Variants in C8orf34 observed in about 807,000 individuals in gnomAD.
C8orf34 encodes chromosome 8 open reading frame 34.
In C8orf34, 65 loss-of-function variants were observed where a neutral mutation model predicts 68.3. The observed-to-expected ratio is 0.95, with a 90% confidence interval of 0.78 to 1.17. The LOEUF (loss-of-function observed/expected upper bound fraction) is 1.17. Ranked by LOEUF, C8orf34 falls within the 50% of genes most tolerant of loss-of-function variation. The pLI is 0.00. For synonymous variants in C8orf34, 244 were observed against 241.2 expected (o/e 1.01, Z -0.11); for missense variants, 664 against 655.4 (o/e 1.01, Z -0.14).
chr8:68,728,501 G>C (rs1563633771), intron 10 of C8orf34, among the ~76,000 whole-genome samples: 2 of 152,132 alleles, frequency 1.3e-5, no homozygotes. Flanking sequence ...CCAATTTACT[G>C]TATTAGTCTG....
At chr8:68,567,174 G>C (rs1349134832) in intron 7 of C8orf34, among the ~76,000 whole-genome samples, 2 of 152,024 alleles carry the variant, frequency 1.3e-5, no homozygotes, top group Admixed American at 6.6e-5. Flanking sequence ...CTCTTTCTCT[G>C]TCTTGTGGAA....
intron 1 of C8orf34, among the ~76,000 whole-genome samples, chr8:68,342,336 T>C (rs950748127): frequency 2.6e-5 from 4 of 152,128 alleles, no homozygotes; most frequent in African/African-American, 9.7e-5. Flanking sequence ...TATTGATAAA[T>C]TGGACCTCAG....
chr8:68,385,315 T>C (rs1344723108), intron 1 of C8orf34, among the ~76,000 whole-genome samples: 1 of 152,168 alleles, frequency 6.6e-6, no homozygotes, highest in East Asian at 1.9e-4. Flanking sequence ...CAAACCCACA[T>C]ACTTTGATAC....
At chr8:68,487,407 T>C (rs1220659841) in intron 4 of C8orf34, among the ~76,000 whole-genome samples, 1 of 152,176 alleles carries the variant, frequency 6.6e-6, no homozygotes, top group Non-Finnish European at 1.5e-5. Flanking sequence ...CTTAGAATAA[T>C]TTTGGAGAAA....
intron 1 of C8orf34, among the ~76,000 whole-genome samples, chr8:68,351,056 C>T (rs1278415792): frequency 6.6e-6 from 1 of 151,786 alleles, no homozygotes; most frequent in African/African-American, 2.4e-5. Context: ...TACAGTGACA[C>T]TGGTCTGCGT....
At chr8:68,435,557 G>A (rs1277851655) in intron 1 of C8orf34, among the ~76,000 whole-genome samples, 2 of 152,142 alleles carry the variant, frequency 1.3e-5, no homozygotes, top group African/African-American at 4.8e-5. Flanking sequence ...CAGCAGTGGA[G>A]GTTTCCACAA....
chr8:68,691,010 G>A (rs1307447948), intron 8 of C8orf34, among the ~76,000 whole-genome samples: 1 of 152,080 alleles, frequency 6.6e-6, no homozygotes, highest in Non-Finnish European at 1.5e-5. Flanking sequence ...CTTTCAGGAA[G>A]AAAGGGGGCC....
chr8:68,570,245 G>A (rs183667571), intron 7 of C8orf34, among the ~76,000 whole-genome samples: 9 of 152,214 alleles, frequency 5.9e-5, no homozygotes, highest in Admixed American at 2.0e-4. Flanking sequence ...GATAATCTTC[G>A]TTGTTTATCT....
At chr8:68,373,797 T>C (rs1479692568) in intron 1 of C8orf34, among the ~76,000 whole-genome samples, 1 of 152,214 alleles carries the variant, frequency 6.6e-6, no homozygotes, top group Non-Finnish European at 1.5e-5. Flanking sequence ...ACTTGATATA[T>C]CATATACCAA....
chr8:68,376,361 G>A (rs1807799742), intron 1 of C8orf34, among the ~76,000 whole-genome samples: 1 of 152,134 alleles, frequency 6.6e-6, no homozygotes, highest in Non-Finnish European at 1.5e-5. Flanking sequence ...TAGAATGATG[G>A]AAGCTGAGCA....
intron 7 of C8orf34, among the ~76,000 whole-genome samples, chr8:68,599,767 T>G (rs1817645512): frequency 6.6e-6 from 1 of 152,044 alleles, no homozygotes; most frequent in Non-Finnish European, 1.5e-5. Context: ...ATATACCTGT[T>G]GTAAAAAACT....
chr8:68,690,139 T>C (rs909984861), intron 8 of C8orf34, among the ~76,000 whole-genome samples: 4 of 152,154 alleles, frequency 2.6e-5, no homozygotes, highest in Admixed American at 2.0e-4. Context: ...AAAGTTCAAA[T>C]GAAGCAAACA....
intron 8 of C8orf34, among the ~76,000 whole-genome samples, chr8:68,656,280 GACC>G (rs1474792643): frequency 9.2e-5 from 14 of 152,120 alleles, no homozygotes; most frequent in Admixed American, 3.9e-4. Context: ...ATAATGGCAT[GACC>G]ACCACAATAA....
chr8:68,409,430 C>G (rs1809349719), intron 1 of C8orf34, among the ~76,000 whole-genome samples: 1 of 151,786 alleles, frequency 6.6e-6, no homozygotes, highest in South Asian at 2.1e-4. Context: ...TGTGTTTGTG[C>G]CTTAGTTTTT....
At chr8:68,676,347 A>G (rs996113359) in intron 8 of C8orf34, among the ~76,000 whole-genome samples, 1 of 152,050 alleles carries the variant, frequency 6.6e-6, no homozygotes, top group Non-Finnish European at 1.5e-5. Flanking sequence ...AGAAAAAAAA[A>G]ATGCACCTAA....
intron 7 of C8orf34, among the ~76,000 whole-genome samples, chr8:68,577,789 A>C (rs192568589): frequency 6.6e-6 from 1 of 151,958 alleles, no homozygotes; most frequent in Non-Finnish European, 1.5e-5. Flanking sequence ...GTGGTATACA[A>C]TATGTTTTTA....
At chr8:68,488,523 G>C (rs1373734558) in intron 5 of C8orf34, among the ~76,000 whole-genome samples, 1 of 152,128 alleles carries the variant, frequency 6.6e-6, no homozygotes, top group East Asian at 1.9e-4. Flanking sequence ...ATGGTGGTGA[G>C]AAGTGGTGTG....
At chr8:68,620,784 C>CTT (rs796946701) in intron 7 of C8orf34, among the ~76,000 whole-genome samples, 2 of 145,382 alleles carry the variant, frequency 1.4e-5, no homozygotes, top group African/African-American at 5.0e-5. Flanking sequence ...TTAGTTTTAG[C>CTT]TTTTTTTTTT....
intron 10 of C8orf34, among the ~76,000 whole-genome samples, chr8:68,739,538 G>A (rs1822220017): frequency 6.6e-6 from 1 of 152,054 alleles, no homozygotes; most frequent in South Asian, 2.1e-4. Context: ...AACTAGGGAG[G>A]TGAAAGATCT....
Sources: allele counts gnomAD v4.1 joint callset (sites outside exome capture counted in the v4.1 genomes callset), GRCh38; gene constraint gnomAD v4.1.1; transcripts MANE v1.5; gene names NCBI Gene and HGNC (gene_info 2026-07-23, HGNC 2026-07-21).